Variants in SLC35D4 observed in about 807,000 individuals in gnomAD.
SLC35D4 encodes UDP-N-acetylglucosamine transporter SLC35D4.
chr18:23,424,660 G>A, the SLC35D4 span, among the ~76,000 whole-genome samples: 2 of 152,172 alleles, frequency 1.3e-5, no homozygotes, highest in Non-Finnish European at 2.9e-5. Context: ...AGAGAAACCA[G>A]TATCCCAGCT....
At chr18:23,313,084 G>T in the SLC35D4 span, among the ~76,000 whole-genome samples, 1 of 121,130 alleles carries the variant, frequency 8.3e-6, no homozygotes, top group Non-Finnish European at 1.6e-5. Context: ...CCGAGATCAC[G>T]CCACTGCACT....
At chr18:23,297,763 G>A in the SLC35D4 span, 12 of 460,674 alleles carry the variant, frequency 2.6e-5, no homozygotes, top group South Asian at 2.0e-4. Context: ...GTAACAGACC[G>A]CTCCTCTGCA....
the SLC35D4 span, among the ~76,000 whole-genome samples, chr18:23,244,993 T>G: frequency 6.6e-6 from 1 of 152,236 alleles, no homozygotes; most frequent in Admixed American, 6.5e-5. Flanking sequence ...GTTGTTTCTG[T>G]TGGAATCAGA....
chr18:23,397,616 T>G, the SLC35D4 span, among the ~76,000 whole-genome samples: 1 of 152,242 alleles, frequency 6.6e-6, no homozygotes, highest in Non-Finnish European at 1.5e-5. Flanking sequence ...TCCTTTTGCT[T>G]AGACCAGTTT....
chr18:23,398,401 A>G, the SLC35D4 span, among the ~76,000 whole-genome samples: 3 of 152,342 alleles, frequency 2.0e-5, no homozygotes, highest in East Asian at 3.9e-4. Context: ...CCAAAATCCA[A>G]TAGTCTATGG....
chr18:23,332,415 G>A, the SLC35D4 span, among the ~76,000 whole-genome samples: 1 of 142,124 alleles, frequency 7.0e-6, no homozygotes, highest in Non-Finnish European at 1.5e-5. Flanking sequence ...CGTAGATGTT[G>A]TATTATGTAG....
At chr18:23,242,522 G>A in the SLC35D4 span, among the ~76,000 whole-genome samples, 1 of 152,170 alleles carries the variant, frequency 6.6e-6, no homozygotes, top group African/African-American at 2.4e-5. Flanking sequence ...TGGCAGCCCA[G>A]GTCGGTAGTG....
At chr18:23,299,585 T>G in the SLC35D4 span, among the ~76,000 whole-genome samples, 1 of 152,192 alleles carries the variant, frequency 6.6e-6, no homozygotes, top group Non-Finnish European at 1.5e-5. Flanking sequence ...TCACACTAAC[T>G]CTACAGCAGT....
chr18:23,380,325 G>C, the SLC35D4 span, among the ~76,000 whole-genome samples: 1 of 152,024 alleles, frequency 6.6e-6, no homozygotes, highest in Non-Finnish European at 1.5e-5. Context: ...CCCATCACCT[G>C]CCTGCCAGTC....
chr18:23,409,874 T>C, the SLC35D4 span, among the ~76,000 whole-genome samples: 1 of 149,720 alleles, frequency 6.7e-6, no homozygotes, highest in African/African-American at 2.5e-5. Context: ...AGAGGATGGT[T>C]GTATCTGTAT....
the SLC35D4 span, among the ~76,000 whole-genome samples, chr18:23,411,513 G>GAA: frequency 2.0e-5 from 3 of 150,354 alleles, no homozygotes; most frequent in Non-Finnish European, 3.0e-5. Flanking sequence ...AAGAAAGAAA[G>GAA]AAAGAAAGAA....
At chr18:23,269,272 T>C in the SLC35D4 span, among the ~76,000 whole-genome samples, 7 of 152,206 alleles carry the variant, frequency 4.6e-5, no homozygotes, top group African/African-American at 1.7e-4. Flanking sequence ...GTTTTGGTGA[T>C]AGAGTTCTCA....
At chr18:23,294,289 A>G in the SLC35D4 span, among the ~76,000 whole-genome samples, 2 of 152,168 alleles carry the variant, frequency 1.3e-5, no homozygotes, top group African/African-American at 4.8e-5. Context: ...AAATAAAGGG[A>G]GAGTGTGGGC....
the SLC35D4 span, among the ~76,000 whole-genome samples, chr18:23,347,425 C>A: frequency 6.6e-6 from 1 of 150,592 alleles, no homozygotes; most frequent in African/African-American, 2.5e-5. Flanking sequence ...CTCTTCTCTC[C>A]TATCTCTCTC....
chr18:23,316,468 C>T, the SLC35D4 span, among the ~76,000 whole-genome samples: 3 of 152,162 alleles, frequency 2.0e-5, no homozygotes, highest in Admixed American at 6.5e-5. Flanking sequence ...TTCAATTAAC[C>T]GTTATTACCC....
At chr18:23,300,261 G>A in the SLC35D4 span, among the ~76,000 whole-genome samples, 2 of 152,136 alleles carry the variant, frequency 1.3e-5, no homozygotes, top group African/African-American at 2.4e-5. Flanking sequence ...CGTTCCCCTT[G>A]TAGCCCTTCA....
At chr18:23,386,132 A>G in the SLC35D4 span, among the ~76,000 whole-genome samples, 1 of 151,292 alleles carries the variant, frequency 6.6e-6, no homozygotes, top group Non-Finnish European at 1.5e-5. Flanking sequence ...CTCAAAAAAA[A>G]AAAAAAAAAA....
the SLC35D4 span, among the ~76,000 whole-genome samples, chr18:23,363,694 G>A: frequency 6.6e-5 from 10 of 152,248 alleles, no homozygotes; most frequent in Non-Finnish European, 1.5e-4. Context: ...CATTTCAAAG[G>A]GGCAGGACAC....
At chr18:23,304,723 C>G in the SLC35D4 span, among the ~76,000 whole-genome samples, 1 of 152,112 alleles carries the variant, frequency 6.6e-6, no homozygotes, top group African/African-American at 2.4e-5. Flanking sequence ...GGAAGATTAG[C>G]TCCCTGCTTC....
Sources: gnomAD v4.1 joint callset for allele counts (sites outside exome capture counted in the v4.1 genomes callset) on GRCh38, gnomAD v4.1.1 for gene constraint, MANE v1.5 for transcripts, NCBI Gene and HGNC (gene_info 2026-07-23, HGNC 2026-07-21) for gene names.